Variants in CYP2J2 observed in about 807,000 individuals in gnomAD.
The protein encoded by CYP2J2 is cytochrome P450 family 2 subfamily J member 2.
CYP2J2 carries 41 observed loss-of-function variants against 48.8 expected under a neutral mutation model. The ratio of observed to expected loss-of-function variants is 0.84; its 90% CI spans 0.66 to 1.09. CYP2J2 has a LOEUF of 1.09. CYP2J2 is among the 50% of genes least tolerant of loss of function. The pLI is 0.00. For missense variants in CYP2J2, 644 were observed against 617.3 expected (o/e 1.04, Z -0.46); for synonymous variants, 221 against 227.1 (o/e 0.97, Z 0.24).
chr1:59,936,101 T>G, the CYP2J2 span, among the ~76,000 whole-genome samples: 1 of 152,242 alleles, frequency 6.6e-6, no homozygotes, highest in Non-Finnish European at 1.5e-5. Flanking sequence ...GATGTGAATA[T>G]TAATCCACCA....
chr1:59,965,054 AT>A, the CYP2J2 span, among the ~76,000 whole-genome samples: 11 of 152,362 alleles, frequency 7.2e-5, no homozygotes, highest in Non-Finnish European at 1.5e-4. Flanking sequence ...TACTGATAAC[AT>A]AATTATGAGT....
intron 1 of CYP2J2, among the ~76,000 whole-genome samples, chr1:59,916,398 T>G (rs1290266789): frequency 6.6e-6 from 1 of 152,216 alleles, no homozygotes; most frequent in Non-Finnish European, 1.5e-5. Flanking sequence ...GCATCTATCA[T>G]GTGTCCCTAG....
chr1:59,955,253 C>CATATATATATCCATATATATATCCAT, the CYP2J2 span, among the ~76,000 whole-genome samples: 25 of 108,022 alleles, frequency 2.3e-4, no homozygotes, highest in Non-Finnish European at 3.3e-4. Context: ...TATATATATC[C>CATATATATATCCATATATATATCCAT]ATATATATAT....
At chr1:59,924,122 A>G (rs960841534) in intron 1 of CYP2J2, among the ~76,000 whole-genome samples, 6 of 152,190 alleles carry the variant, frequency 3.9e-5, no homozygotes, top group African/African-American at 1.4e-4. Flanking sequence ...CTTAACAGAA[A>G]CCACAGAGGC....
At chr1:59,956,397 G>A in the CYP2J2 span, among the ~76,000 whole-genome samples, 11 of 152,070 alleles carry the variant, frequency 7.2e-5, no homozygotes, top group Non-Finnish European at 1.2e-4. Flanking sequence ...AAACTCAGAC[G>A]TATTTTTCAT....
the CYP2J2 span, among the ~76,000 whole-genome samples, chr1:59,947,023 G>C: frequency 6.6e-6 from 1 of 152,188 alleles, no homozygotes; most frequent in South Asian, 2.1e-4. Flanking sequence ...GGGGTGAAGT[G>C]AAGGATAGCC....
At chr1:59,917,783 G>A (rs181136510) in intron 1 of CYP2J2, among the ~76,000 whole-genome samples, 51 of 152,314 alleles carry the variant, frequency 3.3e-4, no homozygotes, top group African/African-American at 1.2e-3. Flanking sequence ...CCCTGCCCCT[G>A]CCTTTTTTCT....
rs539271501 is a variant in CYP2J2, at chr1:59,906,109, C to T, written c.1004-1051G>A. ...GCTGAGGCAGGAGAATGGCATGAAC[C>T]CAGGAGGCAGAGCTTGCAGTGAGCC... On this transcript the variant is annotated intron_variant, in intron 6 of 8. Transcript: ENST00000371204. 4.0e-3 allele frequency among the ~76,000 whole-genome samples: 602 copies of T among 152,264 alleles called. 3 individuals are homozygous for T. The highest frequency in any genetic ancestry group is 0.014 in the African/African-American group (574 of 41,536).
chr1:59,954,798 G>T, the CYP2J2 span, among the ~76,000 whole-genome samples: 1 of 152,042 alleles, frequency 6.6e-6, no homozygotes, highest in South Asian at 2.1e-4. Context: ...ATCAAGTGAA[G>T]CTGGGTTACA....
the CYP2J2 span, among the ~76,000 whole-genome samples, chr1:59,934,989 G>GATATATATATATAT: frequency 3.4e-5 from 2 of 58,390 alleles, no homozygotes; most frequent in African/African-American, 1.1e-4. Context: ...AAGAAAATGG[G>GATATATATATATAT]ATATATATAT....
At chr1:59,962,782 A>G in the CYP2J2 span, among the ~76,000 whole-genome samples, 1 of 152,196 alleles carries the variant, frequency 6.6e-6, no homozygotes, top group Admixed American at 6.5e-5. Flanking sequence ...CCACCAGAAC[A>G]CTACGTTGAC....
chr1:59,929,582 TA>T (rs1314861201), upstream of CYP2J2, among the ~76,000 whole-genome samples: 3 of 152,048 alleles, frequency 2.0e-5, no homozygotes, highest in African/African-American at 7.2e-5. Context: ...ATAGAAATTA[TA>T]AAAAAGTGGA....
rs1644240809 is a variant in CYP2J2 at position 59,893,453 on chromosome 1, T to G, written c.*198A>C. 1 of 482,748 alleles carries G rather than the reference T, an allele frequency of 2.1e-6. No homozygotes were observed. Among genetic ancestry groups the G allele is most frequent in the African/African-American group, 2.0e-5 (1 of 51,062 alleles). 29.9% of individuals were successfully genotyped at this position (482,748 alleles called of 1,614,324 possible). A position where few individuals can be genotyped will look rare whatever the true frequency, so the allele number is the denominator to read the frequency against. ...AGATAAAAAGGTAAATTATTTAGCA[T>G]ATAAATGATTTTCCCAAGGCTAATT... On this transcript the variant is annotated 3_prime_UTR_variant, in exon 9 of 9. Transcript: ENST00000371204.
At chr1:59,907,177 G>C (rs1000343727) in intron 6 of CYP2J2, among the ~76,000 whole-genome samples, 1 of 152,086 alleles carries the variant, frequency 6.6e-6, no homozygotes, top group Non-Finnish European at 1.5e-5. Context: ...AATTTCCTAG[G>C]GGAGCACAGA....
chr1:59,950,145 A>T, the CYP2J2 span, among the ~76,000 whole-genome samples: 1 of 152,074 alleles, frequency 6.6e-6, no homozygotes, highest in African/African-American at 2.4e-5. Flanking sequence ...GAAGCCATGG[A>T]CTCCATTTCC....
At chr1:59,950,411 C>T in the CYP2J2 span, among the ~76,000 whole-genome samples, 2 of 152,110 alleles carry the variant, frequency 1.3e-5, no homozygotes, top group South Asian at 4.1e-4. Flanking sequence ...TCTTTAGAGC[C>T]CATTTCAGAT....
intron 5 of CYP2J2, 107 bp downstream of exon 5, chr1:59,909,677 A>G (rs1644394512): frequency 2.7e-6 from 2 of 750,228 alleles, no homozygotes; most frequent in Admixed American, 3.2e-5. Flanking sequence ...AATCTGTGCT[A>G]TTTTAGGCAC....
upstream of CYP2J2, among the ~76,000 whole-genome samples, chr1:59,929,615 T>A (rs992379781): frequency 1.3e-5 from 2 of 152,144 alleles, no homozygotes; most frequent in African/African-American, 2.4e-5. Context: ...AAAATTGCAA[T>A]AACTGAAATT....
At chr1:59,896,358 T>G (rs1465854823) in intron 8 of CYP2J2, among the ~76,000 whole-genome samples, 1 of 151,756 alleles carries the variant, frequency 6.6e-6, no homozygotes, top group East Asian at 1.9e-4. Flanking sequence ...CAAATATATA[T>G]ACCCATATTT....
Sources: gnomAD v4.1 joint callset for allele counts (sites outside exome capture counted in the v4.1 genomes callset) on GRCh38, gnomAD v4.1.1 for gene constraint, MANE v1.5 for transcripts, NCBI Gene and HGNC (gene_info 2026-07-23, HGNC 2026-07-21) for gene names.